Variants in XAGE2 observed in about 807,000 individuals in gnomAD.
XAGE2 encodes the protein X antigen family member 2.
XAGE2 carries 7 observed loss-of-function variants against 9.9 expected under a neutral mutation model. The ratio of observed to expected loss-of-function variants is 0.71; its 90% CI spans 0.40 to 1.32. XAGE2 has a LOEUF of 1.32. Ranked by LOEUF, XAGE2 falls within the 40% of genes most tolerant of loss-of-function variation. The pLI, the probability that XAGE2 is intolerant of heterozygous loss-of-function variation, is 0.01. For synonymous variants in XAGE2, 31 were observed against 26.8 expected (o/e 1.16, Z -0.48); for missense variants, 85 against 81.0 (o/e 1.05, Z -0.19).
chrX:52,372,793 A>T, intron 4 of XAGE2, 124 bp downstream of exon 4: 1 of 957,272 alleles, frequency 1.0e-6, no homozygotes, highest in South Asian at 2.2e-5. Flanking sequence ...ACTTTCTTTG[A>T]AAGGTACTTC....
intron 4 of XAGE2, among the ~76,000 whole-genome samples, chrX:52,375,167 A>T: frequency 1.8e-5 from 2 of 112,106 alleles, no homozygotes; most frequent in Admixed American, 1.9e-4. Context: ...TCAAGCCAAA[A>T]TATTAAATTG....
At chrX:52,373,751 A>C (rs1419528625) in intron 4 of XAGE2, among the ~76,000 whole-genome samples, 1 of 111,754 alleles carries the variant, frequency 8.9e-6, no homozygotes, top group Non-Finnish European at 1.9e-5. Flanking sequence ...GTTAATGAGA[A>C]GAGCTTCTGA....
rs1298898236 is a variant in XAGE2, at chrX:52,370,132, G to T, written c.81+37G>T. On this transcript the variant is annotated intron_variant, in intron 2 of 4. Transcript: ENST00000286049. ...AATATTTTGATGTTTTTTATTAGCA[G>T]AAATTTCTTTTGTGATAGTGTTGTT... 3 of 1,177,957 alleles carry T rather than the reference G, an allele frequency of 2.5e-6. No homozygotes were observed. The African/African-American group carries it at 5.3e-5, about 21-fold the overall frequency.
intron 3 of XAGE2, among the ~76,000 whole-genome samples, chrX:52,371,270 A>G (rs1056445579): frequency 1.9e-4 from 21 of 112,277 alleles, no homozygotes; most frequent in Admixed American, 1.7e-3. Flanking sequence ...AAAACGCTTA[A>G]TACTCGAATG....
Position 52,370,046 on chromosome X carries a change from C to A in XAGE2, c.32C>A (p.Pro11His). The A allele has an allele frequency of 1.6e-6, 2 of 1,212,156 alleles. No homozygotes were observed. The highest frequency in any genetic ancestry group is 2.2e-6 in the Non-Finnish European group (2 of 895,473). The change falls in exon 2 of 5, where the codon CCT becomes CAT. Residue 11 changes from proline (P) to histidine (H), a missense_variant. By Grantham distance (77) the Pro-to-His change is moderately conservative. Coordinates refer to ENST00000286049, the MANE Select transcript of XAGE2 (RefSeq NM_130777.3). The part of the protein sequence containing the change: MSWRGRSTYR[P>H]RPRRSLQPPE... Reference sequence around the variant, plus strand: ...TGGCGAGGAAGATCAACATATAGGCCTAGGCCAAGAAGAAGTTTACAGCCT... The same window carrying A: ...TGGCGAGGAAGATCAACATATAGGCATAGGCCAAGAAGAAGTTTACAGCCT...
In XAGE2 at chrX:52,370,001, T is replaced by C. The variant is rs2146413553; in HGVS notation, c.-8-6T>C. ...CACTTTCCCAATCACAGTATTCTGT[T>C]TGCAGAGTGAAATATGAGTTGGCGA... On this transcript the variant is annotated splice_region_variant and splice_polypyrimidine_tract_variant and intron_variant, in intron 1 of 4. Transcript: ENST00000286049. 2 of 1,209,627 alleles carry C rather than the reference T, an allele frequency of 1.7e-6. No individual in the cohort carries two copies. Among genetic ancestry groups the C allele is most frequent in the South Asian group, 1.8e-5 (1 of 56,868 alleles).
At chrX:52,374,488 C>A (rs1445654399) in intron 4 of XAGE2, among the ~76,000 whole-genome samples, 1 of 112,118 alleles carries the variant, frequency 8.9e-6, no homozygotes, top group Admixed American at 9.5e-5. Context: ...TTGCCTTGGC[C>A]TCCCAAAGTG....
At position 52,372,670 on chromosome X, in the gene XAGE2, G is replaced by T; in HGVS notation, c.313+1G>T. ...GAGCACTTTAAAATGCCAGAAGCAG[G>T]TGTGTTATTCATTAAGACACAAAGT... On this transcript the variant is annotated splice_donor_variant, in intron 4 of 4. Transcript: ENST00000286049. LOFTEE classifies it high-confidence loss of function. The T allele has an allele frequency of 8.3e-7, 1 of 1,210,703 alleles. No individual in the cohort carries two copies. The highest frequency in any genetic ancestry group is 1.1e-6 in the Non-Finnish European group (1 of 894,769).
At chrX:52,375,206 T>C (rs1400734772) in intron 4 of XAGE2, among the ~76,000 whole-genome samples, 10 of 112,202 alleles carry the variant, frequency 8.9e-5, no homozygotes, top group Admixed American at 5.7e-4. Context: ...CTTTGTTTCT[T>C]AGTTTTTTTG....
At position 52,370,560 on chromosome X, in the gene XAGE2, G is replaced by T; in HGVS notation, c.82-7G>T. ...TCTGCACACATACTGCCTCCCCTTT[G>T]TCCCAGGAACCCACTGATGAAGAGC... On this transcript the variant is annotated splice_region_variant and splice_polypyrimidine_tract_variant and intron_variant, in intron 2 of 4. Coordinates refer to ENST00000286049, the MANE Select transcript of XAGE2 (RefSeq NM_130777.3). The T allele has an allele frequency of 8.3e-7, 1 of 1,208,192 alleles. No individual in the cohort carries two copies. Among genetic ancestry groups the T allele is most frequent in the Non-Finnish European group, 1.1e-6 (1 of 892,407 alleles).
chrX:52,371,829 C>G (rs1045635647), intron 3 of XAGE2, among the ~76,000 whole-genome samples: 2 of 111,751 alleles, frequency 1.8e-5, no homozygotes, highest in African/African-American at 6.5e-5. Flanking sequence ...AAATAATTTT[C>G]AAATTACCTC....
chrX:52,372,766 A>G, intron 4 of XAGE2, 97 bp downstream of exon 4: 2 of 1,063,752 alleles, frequency 1.9e-6, no homozygotes, highest in Non-Finnish European at 2.6e-6. Context: ...CACTTTAATA[A>G]CAGTGTTCAA....
intron 4 of XAGE2, among the ~76,000 whole-genome samples, chrX:52,374,086 T>C (rs1921258096): frequency 8.9e-6 from 1 of 112,135 alleles, no homozygotes; most frequent in Non-Finnish European, 1.9e-5. Flanking sequence ...GTAATACATT[T>C]AACACATTGT....
chrX:52,374,566 C>T (rs1921268150), intron 4 of XAGE2, among the ~76,000 whole-genome samples: 2 of 111,769 alleles, frequency 1.8e-5, no homozygotes, highest in Admixed American at 9.5e-5. Context: ...CTAATATTTT[C>T]GGAATATAGA....
chrX:52,375,473 T>C, intron 4 of XAGE2, 96 bp from the exon 5 acceptor site: 1 of 931,645 alleles, frequency 1.1e-6, no homozygotes, highest in South Asian at 2.1e-5. Flanking sequence ...CTTAGTCCAC[T>C]GTACGAAACA....
intron 3 of XAGE2, among the ~76,000 whole-genome samples, chrX:52,371,409 T>A (rs988487283): frequency 7.8e-4 from 87 of 111,894 alleles, no homozygotes; most frequent in Non-Finnish European, 9.2e-4. Context: ...TTTTTGACAG[T>A]ATGTTTGGTA....
rs1392003230 is a variant in XAGE2 at position 52,370,656 on chromosome X, T to G, written c.171T>G (p.Gly57=). ...TPDQKREDDQ[G]AAEIQVPDLE... The stretch of plus-strand genomic sequence containing the variant: ...ATCAGAAGAGAGAAGATGATCAGGG[T>G]GCAGCTGAGATTCAAGGTGCTGGGA... Residue 57 remains glycine, a synonymous_variant, in exon 3 of 5, where the codon GGT becomes GGG. Coordinates refer to ENST00000286049, the MANE Select transcript of XAGE2 (RefSeq NM_130777.3). 2.5e-6 allele frequency: 3 copies of G among 1,208,620 alleles called. No individual in the cohort carries two copies. The highest frequency in any genetic ancestry group is 3.5e-5 in the African/African-American group (2 of 56,968).
Position 52,375,557 on chromosome X carries a change from T to C in XAGE2, c.314-12T>C, listed in dbSNP as rs922501590. ...TGCTAGTAATGTTCCACCTGTTATGTTTCTATTACAGGTGAAGGGAAATCA... is the reference window on the plus strand; with the variant it reads ...TGCTAGTAATGTTCCACCTGTTATGCTTCTATTACAGGTGAAGGGAAATCA... On this transcript the variant is annotated splice_polypyrimidine_tract_variant and intron_variant, in intron 4 of 4. Transcript: ENST00000286049. 11 of 1,201,970 alleles carry C rather than the reference T, an allele frequency of 9.2e-6. No individual in the cohort carries two copies. The African/African-American group carries it at 1.9e-4, about 21-fold the overall frequency.
chrX:52,370,627 C>T lies in XAGE2; in HGVS notation c.142C>T (p.Pro48Ser). 8.3e-7 allele frequency: 1 copy of T among 1,211,461 alleles called. No individual in the cohort carries two copies. The highest frequency in any genetic ancestry group is 1.1e-6 in the Non-Finnish European group (1 of 895,387). ...ACCCACTAAAAGTCGGAATCCTACA[C>T]CTGATCAGAAGAGAGAAGATGATCA... ...KPPTKSRNPT[P>S]DQKREDDQGA... Residue 48 changes from proline (P) to serine (S), a missense_variant, in exon 3 of 5, where the codon CCT becomes TCT. Physicochemically the swap from Pro to Ser is moderately conservative, Grantham distance 74. Coordinates refer to ENST00000286049, the MANE Select transcript of XAGE2 (RefSeq NM_130777.3).
Sources: gnomAD v4.1 joint callset for allele counts (sites outside exome capture counted in the v4.1 genomes callset) on GRCh38, gnomAD v4.1.1 for gene constraint, MANE v1.5 for transcripts, NCBI Gene and HGNC (gene_info 2026-07-23, HGNC 2026-07-21) for gene names.